The following BMP2K variants were observed in gnomAD, a reference collection of about 807,000 sequenced individuals.
The protein encoded by BMP2K is BMP2 inducible kinase, also known as BMP-2-inducible protein kinase.
In BMP2K, 74 loss-of-function variants were observed where a neutral mutation model predicts 116.0. The ratio of observed to expected loss-of-function variants is 0.64; its 90% confidence interval spans 0.53 to 0.77. BMP2K has a LOEUF of 0.77. BMP2K is among the 30% of genes least tolerant of loss of function. The pLI, the probability that BMP2K is intolerant of heterozygous loss-of-function variation, is 0.00. For synonymous variants in BMP2K, 486 were observed against 502.5 expected (o/e 0.97, Z 0.44); for missense variants, 1,365 against 1,403.6 (o/e 0.97, Z 0.44).
chr4:78,865,198 A>G (rs1343504255), intron 9 of BMP2K, among the ~76,000 whole-genome samples: 2 of 152,164 alleles, frequency 1.3e-5, no homozygotes, highest in Non-Finnish European at 2.9e-5. Flanking sequence ...TTCCCTGACA[A>G]GTTCAGAGAG....
At chr4:78,814,059 G>A (rs979289934) in intron 1 of BMP2K, among the ~76,000 whole-genome samples, 4 of 152,150 alleles carry the variant, frequency 2.6e-5, no homozygotes, top group Non-Finnish European at 5.9e-5. Context: ...TGAGTCTAGG[G>A]GAGTGTGAAA....
At position 78,872,650 on chromosome 4, in the gene BMP2K, A is replaced by C; in HGVS notation, c.1645A>C (p.Met549Leu). 6.2e-7 allele frequency: 1 copy of C among 1,614,072 alleles called. No individual in the cohort carries two copies. The highest frequency in any genetic ancestry group is 1.3e-5 in the African/African-American group (1 of 75,034). Residue 549 changes from methionine (M) to leucine (L), a missense_variant, in exon 13 of 16, where the codon ATG (methionine) becomes CTG (leucine). Around this residue, in one of 3 missense-constraint regions of BMP2K, gnomAD observed 762 missense variants for 756.7 expected, o/e 1.01. Transcript: ENST00000502613. ...QYQQAFFQQQ[M>L]LAQHQPSQQQ... ...TCAGCAGGCTTTCTTTCAACAGCAGATGCTAGCTCAACATCAGCCGTCTCA... is the reference window on the plus strand; with the variant it reads ...TCAGCAGGCTTTCTTTCAACAGCAGCTGCTAGCTCAACATCAGCCGTCTCA...
chr4:78,870,821 G>T lies in BMP2K; in HGVS notation c.1270G>T (p.Gly424Cys), dbSNP rs1425541006. The change falls in exon 11 of 16, where the codon GGT (glycine) becomes TGT (cysteine). Residue 424 changes from glycine (G) to cysteine (C), a missense_variant. Physicochemically the swap from Gly to Cys is radical, Grantham distance 159. This residue lies in a region of BMP2K where 762 missense variants were observed against 756.7 expected (regional missense o/e 1.01). Coordinates refer to ENST00000502613, the MANE Select transcript of BMP2K (RefSeq NM_198892.2). ...TGGAAATGGCCCTGAAATTTTATTGGGTCAGGGACCTCCTCAGCAGCCGCC... is the reference window on the plus strand; with the variant it reads ...TGGAAATGGCCCTGAAATTTTATTGTGTCAGGGACCTCCTCAGCAGCCGCC... ...RPGNGPEILL[G>C]QGPPQQPPQQ... 2 of 1,613,882 alleles carry T rather than the reference G, an allele frequency of 1.2e-6. No homozygotes were observed. Among genetic ancestry groups the T allele is most frequent in the Non-Finnish European group, 1.7e-6 (2 of 1,179,974 alleles).
At chr4:78,887,701 T>C (rs1733174891) in intron 15 of BMP2K, among the ~76,000 whole-genome samples, 1 of 152,198 alleles carries the variant, frequency 6.6e-6, no homozygotes, top group African/African-American at 2.4e-5. Context: ...TCTTCTTATA[T>C]CCCTCTTTTG....
At chr4:78,797,858 T>C (rs1009305612) in intron 1 of BMP2K, among the ~76,000 whole-genome samples, 2 of 152,204 alleles carry the variant, frequency 1.3e-5, no homozygotes, top group African/African-American at 4.8e-5. Flanking sequence ...TCTTACTCTG[T>C]TGCCTAGGCT....
chr4:78,776,984 G>A (rs943381042), intron 1 of BMP2K, among the ~76,000 whole-genome samples: 1 of 152,172 alleles, frequency 6.6e-6, no homozygotes, highest in Admixed American at 6.5e-5. Flanking sequence ...AAAATAGGTA[G>A]TAGACGGGCT....
intron 15 of BMP2K, among the ~76,000 whole-genome samples, chr4:78,893,438 C>A (rs187553333): frequency 6.6e-6 from 1 of 152,136 alleles, no homozygotes; most frequent in Non-Finnish European, 1.5e-5. Context: ...CCTGTTCTTA[C>A]GAATCACGAA....
chr4:78,879,080 A>G, intron 14 of BMP2K, 189 bp downstream of exon 14: 2 of 1,352,678 alleles, frequency 1.5e-6, no homozygotes, highest in Non-Finnish European at 1.9e-6. Context: ...CAGTTGCTTG[A>G]TAGTAGCTAT....
At chr4:78,904,513 ACTTTATAACCTATCATTG>A (rs1299268341) in intron 15 of BMP2K, among the ~76,000 whole-genome samples, 1 of 151,880 alleles carries the variant, frequency 6.6e-6, no homozygotes, top group East Asian at 1.9e-4. Flanking sequence ...ATAATTTAAA[ACTTTATAACCTATCATTG>A]CTGTTCTTAA....
Position 78,901,827 on chromosome 4 carries a change from A to G in BMP2K, c.2063-8783A>G, listed in dbSNP as rs1482051684. 5.3e-5 allele frequency among the ~76,000 whole-genome samples: 8 copies of G among 152,206 alleles called. No homozygotes were observed. In the East Asian group the frequency reaches 1.5e-3, roughly 29 times the overall value. ...TTTTAGTGACATGTAGGCCATATTA[A>G]TTAGGTCACTGAAGTTTTAGATTTC... On this transcript the variant is annotated intron_variant, in intron 15 of 15. Coordinates refer to ENST00000502613, the MANE Select transcript of BMP2K (RefSeq NM_198892.2).
chr4:78,895,241 A>G (rs1733640560), intron 15 of BMP2K, among the ~76,000 whole-genome samples: 2 of 152,326 alleles, frequency 1.3e-5, no homozygotes, highest in East Asian at 1.9e-4. Flanking sequence ...TAGAAAGTCA[A>G]TCTTGGAAAT....
intron 2 of BMP2K, among the ~76,000 whole-genome samples, chr4:78,829,787 T>TTTCTTTTCTTTTCTCTCTTCTC (rs71216237): frequency 1.2e-5 from 1 of 86,594 alleles, no homozygotes; most frequent in African/African-American, 4.2e-5. Context: ...TTTCTTTTCT[T>TTTCTTTTCTTTTCTCTCTTCTC]TTCTCTTCTC....
At chr4:78,807,346 A>G (rs1483287373) in intron 1 of BMP2K, among the ~76,000 whole-genome samples, 1 of 151,960 alleles carries the variant, frequency 6.6e-6, no homozygotes, top group Non-Finnish European at 1.5e-5. Flanking sequence ...TTGGTTTGCT[A>G]GTATTTTGTT....
At chr4:78,900,723 T>C (rs950952803) in intron 15 of BMP2K, among the ~76,000 whole-genome samples, 3 of 152,208 alleles carry the variant, frequency 2.0e-5, no homozygotes, top group Non-Finnish European at 4.4e-5. Context: ...ATAGACTATG[T>C]CTTAAAATGA....
intron 1 of BMP2K, among the ~76,000 whole-genome samples, chr4:78,781,648 A>G (rs947405256): frequency 6.6e-6 from 1 of 152,152 alleles, no homozygotes; most frequent in Admixed American, 6.5e-5. Flanking sequence ...GGGAGAGTGT[A>G]GAATGAGAAG....
At chr4:78,823,977 C>T (rs556242691) in intron 1 of BMP2K, among the ~76,000 whole-genome samples, 2 of 152,222 alleles carry the variant, frequency 1.3e-5, no homozygotes, top group African/African-American at 4.8e-5. Context: ...ATTAGGTCTT[C>T]TACTTTCTGG....
At chr4:78,820,947 A>G (rs970880394) in intron 1 of BMP2K, 2 of 152,408 alleles carry the variant, frequency 1.3e-5, no homozygotes, top group South Asian at 2.1e-4. Context: ...TTTATCTTCT[A>G]GCTCCTCTGT....
At position 78,776,597 on chromosome 4, in the gene BMP2K, G is replaced by T. The variant is rs1344113496; in HGVS notation, c.54G>T (p.Ala18=). The change falls in exon 1 of 16, where the codon GCG becomes GCT. Residue 18 remains alanine, a synonymous_variant. Transcript: ENST00000502613. The part of the protein sequence containing the change: ...PKSEGGSGGG[A]AGGGAGGAGA... ...CGGAGGGCGGCAGCGGCGGCGGAGC[G>T]GCGGGTGGCGGGGCTGGCGGGGCCG... 1.7e-6 allele frequency: 2 copies of T among 1,181,330 alleles called. No homozygotes were observed. Among genetic ancestry groups the T allele is most frequent in the East Asian group, 3.9e-5 (1 of 25,930 alleles). 73.2% of individuals were successfully genotyped at this position (1,181,330 alleles called of 1,614,324 possible).
chr4:78,846,644 ATATACT>A (rs1469215950), intron 5 of BMP2K, among the ~76,000 whole-genome samples: 1 of 151,620 alleles, frequency 6.6e-6, no homozygotes, highest in Non-Finnish European at 1.5e-5. Flanking sequence ...AGTATTAGAA[ATATACT>A]TAATGAGTGC....
Sources: gnomAD v4.1 joint callset for allele counts (sites outside exome capture counted in the v4.1 genomes callset) on GRCh38, gnomAD v4.1.1 for gene constraint, gnomAD v4.1.1 regional missense constraint, MANE v1.5 for transcripts, NCBI Gene and HGNC (gene_info 2026-07-23, HGNC 2026-07-21) for gene names.